Variants in DRC8 observed in about 807,000 individuals in gnomAD.
DRC8 encodes dynein regulatory complex protein 8.
At chr1:245,024,272 A>G in the DRC8 span, among the ~76,000 whole-genome samples, 1 of 152,220 alleles carries the variant, frequency 6.6e-6, no homozygotes, top group Non-Finnish European at 1.5e-5. Context: ...GGCTTTTGCT[A>G]TAATAGCTCA....
the DRC8 span, chr1:244,970,318 C>CCCG: frequency 7.5e-7 from 1 of 1,329,830 alleles, no homozygotes; most frequent in Non-Finnish European, 1.0e-6. Context: ...TCAGAGCGGC[C>CCCG]CCTCCTCCAG....
chr1:245,010,497 A>C, the DRC8 span, among the ~76,000 whole-genome samples: 1 of 152,120 alleles, frequency 6.6e-6, no homozygotes, highest in Non-Finnish European at 1.5e-5. Context: ...GTCGCTGTGC[A>C]GAACAGGAGG....
chr1:245,050,008 G>A, the DRC8 span, among the ~76,000 whole-genome samples: 1 of 152,316 alleles, frequency 6.6e-6, no homozygotes, highest in Non-Finnish European at 1.5e-5. Context: ...TCTGGCACGC[G>A]TAATAAGTCA....
the DRC8 span, among the ~76,000 whole-genome samples, chr1:245,020,619 T>C: frequency 7.3e-6 from 1 of 137,532 alleles, no homozygotes; most frequent in South Asian, 2.4e-4. Flanking sequence ...CTTTCTTTTT[T>C]TTTTTTTTTT....
chr1:245,024,039 G>A, the DRC8 span, among the ~76,000 whole-genome samples: 1 of 151,944 alleles, frequency 6.6e-6, no homozygotes, highest in African/African-American at 2.4e-5. Context: ...GCATGATGGC[G>A]GGTGCCTGTA....
At chr1:245,083,688 G>A in the DRC8 span, 2 of 1,605,968 alleles carry the variant, frequency 1.2e-6, no homozygotes, top group Non-Finnish European at 8.5e-7. Flanking sequence ...GACTGAAGAA[G>A]GTAAGTGTGA....
chr1:245,095,212 G>C, the DRC8 span, among the ~76,000 whole-genome samples: 1 of 152,212 alleles, frequency 6.6e-6, no homozygotes, highest in Non-Finnish European at 1.5e-5. Context: ...ACAGCCCACT[G>C]AGCTGAGCTC....
At chr1:245,044,657 CCCG>C in the DRC8 span, among the ~76,000 whole-genome samples, 1 of 152,034 alleles carries the variant, frequency 6.6e-6, no homozygotes, top group Non-Finnish European at 1.5e-5. Flanking sequence ...GGCTCTACCT[CCCG>C]GGTTCAAGGG....
At chr1:245,015,172 A>G in the DRC8 span, among the ~76,000 whole-genome samples, 2 of 152,094 alleles carry the variant, frequency 1.3e-5, no homozygotes, top group Non-Finnish European at 2.9e-5. Flanking sequence ...GCTGGCGTGC[A>G]GTAGTGTGAT....
chr1:245,083,511 A>G, the DRC8 span: 1 of 1,597,850 alleles, frequency 6.3e-7, no homozygotes, highest in Non-Finnish European at 8.5e-7. Context: ...TTATATGCAT[A>G]TACATATATA....
chr1:244,979,375 G>T, the DRC8 span, among the ~76,000 whole-genome samples: 3 of 130,490 alleles, frequency 2.3e-5, no homozygotes, highest in Admixed American at 3.0e-4. Flanking sequence ...GCGTGATCTC[G>T]GCTCACTGCA....
chr1:245,095,702 C>T, the DRC8 span, among the ~76,000 whole-genome samples: 1 of 152,282 alleles, frequency 6.6e-6, no homozygotes, highest in South Asian at 2.1e-4. Context: ...TAATTAGTTC[C>T]TCATACTTCA....
chr1:244,980,814 C>A, the DRC8 span, among the ~76,000 whole-genome samples: 1 of 152,216 alleles, frequency 6.6e-6, no homozygotes, highest in South Asian at 2.1e-4. Flanking sequence ...TGTGTTGGAT[C>A]GCTTGAATGT....
At chr1:244,983,026 C>T in the DRC8 span, among the ~76,000 whole-genome samples, 15 of 151,834 alleles carry the variant, frequency 9.9e-5, no homozygotes, top group African/African-American at 3.4e-4. Flanking sequence ...GCTGATATCG[C>T]GCCATTGCAA....
the DRC8 span, among the ~76,000 whole-genome samples, chr1:245,019,617 C>A: frequency 3.3e-5 from 5 of 151,726 alleles, no homozygotes; most frequent in Admixed American, 6.6e-5. Flanking sequence ...AAGTGATAGA[C>A]CCTCCTTAGC....
At chr1:245,083,248 T>C in the DRC8 span, among the ~76,000 whole-genome samples, 1 of 152,148 alleles carries the variant, frequency 6.6e-6, no homozygotes. Flanking sequence ...ATGCTCCTTA[T>C]GAGAATCTAA....
chr1:245,012,767 A>G, the DRC8 span, among the ~76,000 whole-genome samples: 22 of 152,348 alleles, frequency 1.4e-4, no homozygotes, highest in Non-Finnish European at 2.9e-4. Flanking sequence ...TTAATTCTCA[A>G]TGTATAGCTG....
the DRC8 span, among the ~76,000 whole-genome samples, chr1:244,993,521 C>T: frequency 1.3e-5 from 2 of 152,182 alleles, no homozygotes; most frequent in African/African-American, 4.8e-5. Flanking sequence ...TGTTACTTGC[C>T]CCTTACCACT....
At chr1:245,104,585 C>T in the DRC8 span, among the ~76,000 whole-genome samples, 1 of 152,084 alleles carries the variant, frequency 6.6e-6, no homozygotes, top group Non-Finnish European at 1.5e-5. Context: ...TAACATATGG[C>T]CAATCTTGCT....
Sources: gnomAD v4.1 joint callset for allele counts (sites outside exome capture counted in the v4.1 genomes callset) on GRCh38, gnomAD v4.1.1 for gene constraint, MANE v1.5 for transcripts, NCBI Gene and HGNC (gene_info 2026-07-23, HGNC 2026-07-21) for gene names.